The following FOXO3 variants were observed in gnomAD, a reference collection of about 807,000 sequenced individuals.
FOXO3 encodes the protein forkhead box protein O3.
Under a neutral mutation model 41.9 loss-of-function variants are expected in FOXO3, and 4 were observed. The observed-to-expected ratio is 0.10, with a 90% CI of 0.05 to 0.22. The LOEUF (loss-of-function observed/expected upper bound fraction) is 0.22. FOXO3 is among the 10% of genes least tolerant of loss of function. FOXO3 has a pLI of 1.00. For missense variants in FOXO3, 534 were observed against 906.8 expected (o/e 0.59, Z 5.28); for synonymous variants, 318 against 389.3 (o/e 0.82, Z 2.16).
intron 1 of FOXO3, among the ~76,000 whole-genome samples, chr6:108,568,455 TC>T (rs1230704692): frequency 2.6e-5 from 4 of 152,192 alleles, no homozygotes; most frequent in Admixed American, 6.5e-5. Context: ...GCCTTTTCTT[TC>T]AACGCCACCT....
intron 1 of FOXO3, among the ~76,000 whole-genome samples, chr6:108,635,728 A>C (rs1020964576): frequency 6.6e-6 from 1 of 152,032 alleles, no homozygotes; most frequent in African/African-American, 2.4e-5. Flanking sequence ...ATAATGGGGG[A>C]AGCCCTCGTG....
chr6:108,626,247 G>C (rs1480257559), intron 1 of FOXO3, among the ~76,000 whole-genome samples: 1 of 152,146 alleles, frequency 6.6e-6, no homozygotes, highest in African/African-American at 2.4e-5. Flanking sequence ...GACAGGTAAG[G>C]CATATCAGTT....
chr6:108,607,011 G>A (rs981815423), intron 1 of FOXO3, among the ~76,000 whole-genome samples: 6 of 152,210 alleles, frequency 3.9e-5, no homozygotes, highest in Non-Finnish European at 8.8e-5. Context: ...ATATTTCGGA[G>A]CAAGGTGTTG....
intron 1 of FOXO3, among the ~76,000 whole-genome samples, chr6:108,622,033 C>G (rs1412558619): frequency 6.6e-6 from 1 of 151,988 alleles, no homozygotes; most frequent in Non-Finnish European, 1.5e-5. Flanking sequence ...GGGTGGATCA[C>G]TTGAGATCAG....
intron 1 of FOXO3, among the ~76,000 whole-genome samples, chr6:108,644,713 C>G (rs1275765268): frequency 6.6e-6 from 1 of 152,142 alleles, no homozygotes; most frequent in Non-Finnish European, 1.5e-5. Flanking sequence ...CTAGGTAAAC[C>G]CATCCCAGTG....
At chr6:108,612,064 C>A (rs1024316135) in intron 1 of FOXO3, among the ~76,000 whole-genome samples, 11 of 152,230 alleles carry the variant, frequency 7.2e-5, no homozygotes, top group Admixed American at 2.6e-4. Context: ...GGTAGTATAA[C>A]TCTTCCAATT....
chr6:108,680,289 A>G lies in FOXO3; in HGVS notation c.*497A>G, dbSNP rs1337982224. On this transcript the variant is annotated 3_prime_UTR_variant, in exon 3 of 3. Coordinates refer to ENST00000406360, the MANE Select transcript of FOXO3 (RefSeq NM_001455.4). ...TAGCAAATTTAAAAACAGAAAGAAA[A>G]TGTTGTACCAGTTACCATTCCGGGT... 3 of 152,670 alleles carry G rather than the reference A, an allele frequency of 2.0e-5. No homozygotes were observed. The highest frequency in any genetic ancestry group is 2.9e-5 in the Non-Finnish European group (2 of 68,042). 9.5% of individuals were successfully genotyped at this position (152,670 alleles called of 1,614,324 possible). A position where few individuals can be genotyped will look rare whatever the true frequency, so the allele number is the denominator to read the frequency against.
At chr6:108,653,129 C>T (rs1778590239) in intron 1 of FOXO3, among the ~76,000 whole-genome samples, 1 of 152,208 alleles carries the variant, frequency 6.6e-6, no homozygotes, top group Admixed American at 6.5e-5. Context: ...CTAGATGCTA[C>T]TTCACATTTT....
At chr6:108,629,280 T>C (rs1490544600) in intron 1 of FOXO3, among the ~76,000 whole-genome samples, 2 of 152,076 alleles carry the variant, frequency 1.3e-5, no homozygotes, top group Non-Finnish European at 2.9e-5. Context: ...AGAGGACCCA[T>C]CTGAGACCAT....
At chr6:108,601,068 C>T (rs1045326520) in intron 1 of FOXO3, among the ~76,000 whole-genome samples, 14 of 152,070 alleles carry the variant, frequency 9.2e-5, no homozygotes, top group Middle Eastern at 3.4e-3. Context: ...AGTGCAGTGG[C>T]GCAATCTCAG....
Position 108,664,901 on chromosome 6 carries a change from A to G in FOXO3, c.*34+12A>G, listed in dbSNP as rs765294582. 1.3e-6 allele frequency: 2 copies of G among 1,583,470 alleles called. No homozygotes were observed. The highest frequency in any genetic ancestry group is 1.8e-5 in the Admixed American group (1 of 56,772). On this transcript the variant is annotated intron_variant, in intron 2 of 2. Coordinates refer to ENST00000406360, the MANE Select transcript of FOXO3 (RefSeq NM_001455.4). ...AGTGGGCAAAGCAGGTCAGTGCCGA[A>G]TGCTATGGCATAAAAATAACAATAT...
At chr6:108,624,933 T>G (rs569785743) in intron 1 of FOXO3, among the ~76,000 whole-genome samples, 14 of 152,116 alleles carry the variant, frequency 9.2e-5, no homozygotes, top group African/African-American at 2.7e-4. Flanking sequence ...CCACGCTCAG[T>G]GTTTTTTGTT....
chr6:108,616,498 G>A (rs1231766624), intron 1 of FOXO3, among the ~76,000 whole-genome samples: 1 of 151,886 alleles, frequency 6.6e-6, no homozygotes, highest in African/African-American at 2.4e-5. Context: ...GGGTTTCGCT[G>A]TGTTGGCCAG....
At chr6:108,563,109 C>A (rs990268144) in intron 1 of FOXO3, among the ~76,000 whole-genome samples, 2 of 152,008 alleles carry the variant, frequency 1.3e-5, no homozygotes, top group African/African-American at 4.8e-5. Context: ...AAAATAAGAA[C>A]AGTTTAATCT....
chr6:108,649,175 C>G (rs569738737), intron 1 of FOXO3, among the ~76,000 whole-genome samples: 1 of 152,070 alleles, frequency 6.6e-6, no homozygotes, highest in Non-Finnish European at 1.5e-5. Flanking sequence ...CCCCCGAATC[C>G]CACAGGGGTG....
chr6:108,654,434 T>C (rs538950172), intron 1 of FOXO3, among the ~76,000 whole-genome samples: 1 of 152,362 alleles, frequency 6.6e-6, no homozygotes, highest in South Asian at 2.1e-4. Flanking sequence ...GATTTCTTTT[T>C]CAGTTGAGGG....
chr6:108,646,064 C>A (rs1448756908), intron 1 of FOXO3, among the ~76,000 whole-genome samples: 1 of 152,150 alleles, frequency 6.6e-6, no homozygotes, highest in Non-Finnish European at 1.5e-5. Context: ...GCTCAGACTC[C>A]TCTTATTCTC....
Position 108,664,970 on chromosome 6 carries a change from T to C in FOXO3, c.*34+81T>C, listed in dbSNP as rs1263875707. ...CTGGGGGAGCCTGTCTTCTCTTTAC[T>C]TTGAACTTTATTCCACACTGAAAAC... On this transcript the variant is annotated intron_variant, in intron 2 of 2. Coordinates refer to ENST00000406360, the MANE Select transcript of FOXO3 (RefSeq NM_001455.4). 4 of 1,379,384 alleles carry C rather than the reference T, an allele frequency of 2.9e-6. No homozygotes were observed. In the African/African-American group the frequency reaches 5.8e-5, roughly 20 times the overall value. The allele number at this position is 1,379,384 out of a possible 1,614,324, so 85.4% of individuals were successfully genotyped here. A position where few individuals can be genotyped will look rare whatever the true frequency, so the allele number is the denominator to read the frequency against.
At chr6:108,642,110 A>T (rs1778277008) in intron 1 of FOXO3, among the ~76,000 whole-genome samples, 1 of 138,048 alleles carries the variant, frequency 7.2e-6, no homozygotes. Flanking sequence ...TTTTTTTGAG[A>T]CAGGGTTTCA....
Sources: gnomAD v4.1 joint callset for allele counts (sites outside exome capture counted in the v4.1 genomes callset) on GRCh38, gnomAD v4.1.1 for gene constraint, MANE v1.5 for transcripts, NCBI Gene and HGNC (gene_info 2026-07-23, HGNC 2026-07-21) for gene names.